CAMKK2: variants seen among roughly 807,000 people sequenced by gnomAD.
The protein encoded by CAMKK2 is calcium/calmodulin dependent protein kinase kinase 2, also known as calcium/calmodulin-dependent protein kinase kinase 2.
CAMKK2 carries 30 observed loss-of-function variants against 67.2 expected under a neutral mutation model. The ratio of observed to expected loss-of-function variants is 0.45; its 90% CI spans 0.33 to 0.61. CAMKK2 has a LOEUF of 0.61. Ranked by LOEUF, CAMKK2 falls within the 20% of genes least tolerant of loss-of-function variation. The probability of loss-of-function intolerance (pLI) is 0.02; values close to 1 mark genes in which losing one functional copy is unlikely to be tolerated. For missense variants in CAMKK2, 643 were observed against 802.0 expected (o/e 0.80, Z 2.39); for synonymous variants, 322 against 326.2 (o/e 0.99, Z 0.14).
At position 121,245,218 on chromosome 12, in the gene CAMKK2, C is replaced by T. The variant is rs34129994; in HGVS notation, c.1475G>A (p.Arg492His). 3.2e-4 allele frequency: 508 copies of T among 1,606,652 alleles called. No individual in the cohort carries two copies. Among genetic ancestry groups the T allele is most frequent in the Non-Finnish European group, 4.1e-4 (487 of 1,176,042 alleles). Reference protein sequence around the residue: ...ATVILVKTMIRKRSFGNPFEG... With the variant: ...ATVILVKTMIHKRSFGNPFEG... Reference sequence around the variant, plus strand: ...GAATGGGTTCCCAAAGGAGCGTTTACGTATCATGGTCTTCACCAGGATCTG... The same window carrying T: ...GAATGGGTTCCCAAAGGAGCGTTTATGTATCATGGTCTTCACCAGGATCTG... Residue 492 changes from arginine to histidine, a missense_variant, in exon 15 of 17, where the codon CGT becomes CAT. Coordinates refer to ENST00000404169, the MANE Select transcript of CAMKK2 (RefSeq NM_001270485.2). The surrounding 1 kb of genome is among the most constrained non-coding windows in gnomAD (Gnocchi z 5.8).
At chr12:121,283,563 C>A (rs1046484735) in intron 1 of CAMKK2, among the ~76,000 whole-genome samples, 3 of 152,144 alleles carry the variant, frequency 2.0e-5, no homozygotes, top group Non-Finnish European at 4.4e-5. Flanking sequence ...GGCCGTAATC[C>A]CAGCACTCTG....
rs377581818 is a variant in CAMKK2 at position 121,274,066 on chromosome 12, G to C, written c.461C>G (p.Thr154Arg). ...PTVESHHVSITGMQDCVQLNQ... is the reference protein window; with the variant it reads ...PTVESHHVSIRGMQDCVQLNQ... The stretch of plus-strand genomic sequence containing the variant: ...CACCGGCTCACGCACCTGCATACCC[G>C]TGATGGAGACGTGGTGAGACTCCAC... Residue 154 changes from threonine to arginine, a missense_variant, in exon 2 of 17, where the codon ACG becomes AGG. By Grantham distance (71) the Thr-to-Arg change is moderately conservative (BLOSUM62 -1). Coordinates refer to ENST00000404169, the MANE Select transcript of CAMKK2 (RefSeq NM_001270485.2). 8 of 1,503,694 alleles carry C rather than the reference G, an allele frequency of 5.3e-6. No homozygotes were observed. Among genetic ancestry groups the C allele is most frequent in the Non-Finnish European group, 7.1e-6 (8 of 1,125,908 alleles). The allele number at this position is 1,503,694 out of a possible 1,614,324, so 93.1% of individuals were successfully genotyped here.
Position 121,242,597 on chromosome 12 carries a change from C to T in CAMKK2, c.1597-1728G>A, listed in dbSNP as rs1435892617. Among the ~76,000 whole-genome samples, 11 of 152,320 alleles carry T rather than the reference C, an allele frequency of 7.2e-5. No homozygotes were observed. The East Asian group carries it at 1.5e-3, about 21-fold the overall frequency. ...TCTGCCTTCTGAGACTGCTGAAGAC[C>T]GGTTCTGAAGGACTGCCATTTTCCC... On this transcript the variant is annotated intron_variant, in intron 16 of 16. Transcript: ENST00000404169.
chr12:121,244,241 T>C (rs1888957438), intron 16 of CAMKK2: 2 of 1,130,416 alleles, frequency 1.8e-6, no homozygotes, highest in Non-Finnish European at 2.6e-6. Context: ...GGGGCACCCA[T>C]GGGCCCTGTG....
chr12:121,253,612 T>C lies in CAMKK2; in HGVS notation c.908-140A>G. The C allele has an allele frequency of 1.4e-6, 1 of 713,722 alleles. No individual in the cohort carries two copies. 44.2% of individuals were successfully genotyped at this position (713,722 alleles called of 1,614,324 possible). ...CCACAGCCCCAGGCCTTTTCCAACC[T>C]TCCACTCCCCAAACCCGCTGGGCAC... On this transcript the variant is annotated intron_variant, in intron 9 of 16. Transcript: ENST00000404169. This position sits in a 1 kb window ranked among gnomAD's most constrained non-coding sequence, Gnocchi z 5.0.
upstream of CAMKK2, chr12:121,297,483 G>A: frequency 2.4e-6 from 1 of 419,090 alleles, no homozygotes; most frequent in Non-Finnish European, 4.9e-6. Context: ...TGGCTACTTA[G>A]ATGCTTTTTG....
At chr12:121,277,498 T>C (rs1897028027) in intron 1 of CAMKK2, among the ~76,000 whole-genome samples, 1 of 152,040 alleles carries the variant, frequency 6.6e-6, no homozygotes, top group Admixed American at 6.6e-5. Flanking sequence ...AACAGACGAA[T>C]GAATAAACAA....
At chr12:121,275,416 G>A (rs7976126) in intron 1 of CAMKK2, among the ~76,000 whole-genome samples, 65,798 of 149,490 alleles carry the variant, frequency 0.44, 15,215 homozygotes, top group African/African-American at 0.58. Flanking sequence ...TCCAGGAGGC[G>A]GAGGTTGCAG....
rs778139654 is a variant in CAMKK2, at chr12:121,253,482, C to T, written c.908-10G>A. Reference sequence around the variant, plus strand: ...ATCTTCTGGTAGTGTACTGGGGAGGCGTAGACAGCAGGTGGGAGATAGGGG... The same window carrying T: ...ATCTTCTGGTAGTGTACTGGGGAGGTGTAGACAGCAGGTGGGAGATAGGGG... On this transcript the variant is annotated splice_polypyrimidine_tract_variant and intron_variant, in intron 9 of 16. Transcript: ENST00000404169. This position sits in a 1 kb window ranked among gnomAD's most constrained non-coding sequence, Gnocchi z 5.0. 33 of 1,613,352 alleles carry T rather than the reference C, an allele frequency of 2.0e-5. No individual in the cohort carries two copies. Among genetic ancestry groups the T allele is most frequent in the Admixed American group, 2.0e-4 (12 of 59,994 alleles).
chr12:121,252,795 T>G, intron 10 of CAMKK2, 81 bp from the exon 11 acceptor site: 1 of 1,397,990 alleles, frequency 7.2e-7, no homozygotes, highest in Non-Finnish European at 1.0e-6. Context: ...GGGAACCACC[T>G]CTTGACTTTC....
chr12:121,283,676 C>T (rs1898202107), intron 1 of CAMKK2, among the ~76,000 whole-genome samples: 1 of 152,084 alleles, frequency 6.6e-6, no homozygotes. Context: ...ATTAGTTGGG[C>T]ATGGTACTCA....
At chr12:121,280,767 T>C (rs569418701) in intron 1 of CAMKK2, among the ~76,000 whole-genome samples, 1 of 152,268 alleles carries the variant, frequency 6.6e-6, no homozygotes, top group South Asian at 2.1e-4. Context: ...CCCAGGCTTA[T>C]TAGGAAGGGG....
intron 15 of CAMKK2, 60 bp from the exon 16 acceptor site, chr12:121,244,675 T>TCCCAA: frequency 1.4e-6 from 2 of 1,385,690 alleles, no homozygotes; most frequent in Non-Finnish European, 2.0e-6. Flanking sequence ...ATCCACGGGA[T>TCCCAA]GCCCGTTCCC....
intron 7 of CAMKK2, among the ~76,000 whole-genome samples, chr12:121,257,138 G>A (rs1205489425): frequency 3.3e-5 from 5 of 151,996 alleles, no homozygotes; most frequent in Non-Finnish European, 7.4e-5. Flanking sequence ...AACCAGAGGG[G>A]ATACCCCATT....
rs200846862 is a variant in CAMKK2 at position 121,240,792 on chromosome 12, G to C, written c.1674C>G (p.Gly558=). ...CCCAGCAACTTTCCACGCAGGGACT[G>C]CCTCTCACAAGAGCACTTCCTCCTC... ...RGGGGSALVR[G]SPCVESCWAP... The change falls in exon 17 of 17, where the codon GGC becomes GGG. Residue 558 remains glycine (G), a synonymous_variant. Transcript: ENST00000404169. The surrounding 1 kb of genome is among the most constrained non-coding windows in gnomAD (Gnocchi z 4.4). 14 of 1,610,284 alleles carry C rather than the reference G, an allele frequency of 8.7e-6. No individual in the cohort carries two copies. Among genetic ancestry groups the C allele is most frequent in the Non-Finnish European group, 1.1e-5 (13 of 1,179,226 alleles).
intron 7 of CAMKK2, among the ~76,000 whole-genome samples, chr12:121,257,438 G>A (rs1198477612): frequency 6.6e-6 from 1 of 151,858 alleles, no homozygotes; most frequent in African/African-American, 2.4e-5. Flanking sequence ...AGTAAAGATG[G>A]GGTTTCACCG....
At chr12:121,267,870 C>T (rs956744652) in intron 5 of CAMKK2, among the ~76,000 whole-genome samples, 2 of 151,826 alleles carry the variant, frequency 1.3e-5, no homozygotes, top group Non-Finnish European at 1.5e-5. Flanking sequence ...CCCCTCATTT[C>T]CCCTGTTCCC....
chr12:121,292,434 C>T (rs1359271229), intron 1 of CAMKK2, among the ~76,000 whole-genome samples: 2 of 152,108 alleles, frequency 1.3e-5, no homozygotes, highest in African/African-American at 4.8e-5. Flanking sequence ...CAGCCCTCCT[C>T]AATTTTTTTA....
Position 121,279,728 on chromosome 12 carries a change from C to T in CAMKK2, c.-59-5143G>A, listed in dbSNP as rs574200452. ...CATGAAATCCAGGCAGAGGCCATCC[C>T]CCAAGGCCTTGCCTCTACCCTGTTC... On this transcript the variant is annotated intron_variant, in intron 1 of 16. Transcript: ENST00000404169. 2.8e-4 allele frequency among the ~76,000 whole-genome samples: 42 copies of T among 152,360 alleles called. No individual in the cohort carries two copies. In the South Asian group the frequency reaches 7.9e-3, roughly 29 times the overall value.
Sources: allele counts gnomAD v4.1 joint callset (sites outside exome capture counted in the v4.1 genomes callset), GRCh38; gene constraint gnomAD v4.1.1; non-coding constraint Gnocchi (gnomAD v3.1); transcripts MANE v1.5; gene names NCBI Gene and HGNC (gene_info 2026-07-23, HGNC 2026-07-21).